RAPGEF4: variants seen among roughly 807,000 people sequenced by gnomAD.
RAPGEF4 encodes the protein RAP guanine-nucleotide-exchange factor (GEF) 4.
RAPGEF4 carries 66 observed loss-of-function variants against 147.9 expected under a neutral mutation model. The ratio of observed to expected loss-of-function variants is 0.45; its 90% CI spans 0.37 to 0.55. The LOEUF (loss-of-function observed/expected upper bound fraction) is 0.55, where lower values mean the gene tolerates loss of function less well. Ranked by LOEUF, RAPGEF4 falls within the 20% of genes least tolerant of loss-of-function variation. The probability of loss-of-function intolerance (pLI) is 0.00; values close to 1 mark genes in which losing one functional copy is unlikely to be tolerated. For missense variants in RAPGEF4, 1,071 were observed against 1,257.3 expected, an observed-to-expected ratio of 0.85 and a Z score of 2.24; for synonymous variants, 419 against 442.7, an observed-to-expected ratio of 0.95 and a Z score of 0.67.
chr2:172,979,237 G>A (rs1691417972), intron 10 of RAPGEF4, among the ~76,000 whole-genome samples: 2 of 152,116 alleles, frequency 1.3e-5, no homozygotes, highest in Admixed American at 1.3e-4. Context: ...TAACCTCAGT[G>A]GGAAGGACAA....
At chr2:172,926,970 T>C (rs1685437661) in intron 6 of RAPGEF4, among the ~76,000 whole-genome samples, 1 of 152,206 alleles carries the variant, frequency 6.6e-6, no homozygotes, top group Non-Finnish European at 1.5e-5. Flanking sequence ...TCACCATCAA[T>C]GTGGAGCTCA....
chr2:172,864,973 G>A (rs1273149142), intron 4 of RAPGEF4, among the ~76,000 whole-genome samples: 1 of 152,148 alleles, frequency 6.6e-6, no homozygotes, highest in Non-Finnish European at 1.5e-5. Flanking sequence ...GGACATTGTC[G>A]TACTGGATAC....
Position 172,896,323 on chromosome 2 carries a change from AT to A in RAPGEF4, c.445-21475del. 2.6e-5 allele frequency among the ~76,000 whole-genome samples: 4 copies of A among 152,312 alleles called. No individual in the cohort carries two copies. In the South Asian group the frequency reaches 8.3e-4, roughly 32 times the overall value. Reference sequence around the variant, plus strand: ...TTTTATCCTCTGTTGAGATAAGATAATTTTCAGGATACATCATTATGGCACA... The same window carrying A: ...TTTTATCCTCTGTTGAGATAAGATAATTTCAGGATACATCATTATGGCACA... On this transcript the variant is annotated intron_variant, in intron 4 of 30. Transcript: ENST00000397081.
intron 4 of RAPGEF4, among the ~76,000 whole-genome samples, chr2:172,901,328 T>C (rs1699037586): frequency 6.6e-6 from 1 of 152,228 alleles, no homozygotes. Flanking sequence ...AATTTAGGTT[T>C]TGTTTTTATT....
At chr2:172,878,909 G>T (rs77869967) in intron 4 of RAPGEF4, among the ~76,000 whole-genome samples, 9,841 of 152,236 alleles carry the variant, frequency 0.065, 368 homozygotes, top group Middle Eastern at 0.095. Flanking sequence ...CAATAAATAT[G>T]CAGTGATGGG....
intron 4 of RAPGEF4, among the ~76,000 whole-genome samples, chr2:172,895,238 G>C (rs1293045464): frequency 6.6e-6 from 1 of 152,078 alleles, no homozygotes; most frequent in East Asian, 1.9e-4. Context: ...GAGCCATTCC[G>C]GTGGGTTTGG....
rs945769068 is a variant in RAPGEF4 at position 173,001,165 on chromosome 2, G to A, written c.1580-101G>A. ...AAGTAAACTCATGCCCCAAACCAAT[G>A]TGTTAGAACCAATGACTAAGAACAA... On this transcript the variant is annotated intron_variant, in intron 16 of 30. Transcript: ENST00000397081. 18 of 1,538,432 alleles carry A rather than the reference G, an allele frequency of 1.2e-5. No individual in the cohort carries two copies. In the South Asian group the frequency reaches 2.0e-4, roughly 17 times the overall value.
chr2:172,963,802 G>A (rs572025748), intron 8 of RAPGEF4, among the ~76,000 whole-genome samples: 2 of 152,132 alleles, frequency 1.3e-5, no homozygotes, highest in African/African-American at 2.4e-5. Flanking sequence ...CACAGTATTC[G>A]GGGGCTGAAG....
chr2:172,860,383 G>T, intron 4 of RAPGEF4: 1 of 917,372 alleles, frequency 1.1e-6, no homozygotes, highest in East Asian at 1.2e-4. Context: ...GTGTTTTCAT[G>T]GAAGCCTCAA....
chr2:172,761,402 A>G (rs527315637), intron 1 of RAPGEF4, among the ~76,000 whole-genome samples: 1 of 152,130 alleles, frequency 6.6e-6, no homozygotes, highest in Non-Finnish European at 1.5e-5. Context: ...TCAGCCTCCC[A>G]ATGTGCTGGG....
intron 4 of RAPGEF4, among the ~76,000 whole-genome samples, chr2:172,911,262 G>T (rs935295254): frequency 1.3e-5 from 2 of 152,146 alleles, no homozygotes; most frequent in Non-Finnish European, 2.9e-5. Context: ...CAAGTTACGT[G>T]TCCCCCACAC....
In RAPGEF4 at chr2:173,019,895, T is replaced by A. The variant is rs563050754; in HGVS notation, c.2156-723T>A. On this transcript the variant is annotated intron_variant, in intron 22 of 30. Coordinates refer to ENST00000397081, the MANE Select transcript of RAPGEF4 (RefSeq NM_007023.4). ...AGCTTCCTAGACCCCACCCCTGTGATATTTTTTTCTCCTTGCCTTCTCACT... is the reference window on the plus strand; with the variant it reads ...AGCTTCCTAGACCCCACCCCTGTGAAATTTTTTTCTCCTTGCCTTCTCACT... Among the ~76,000 whole-genome samples, 4 of 152,356 alleles carry A rather than the reference T, an allele frequency of 2.6e-5. No individual in the cohort carries two copies. The East Asian group carries it at 5.8e-4, about 22-fold the overall frequency.
chr2:172,927,830 G>A (rs566814627), intron 6 of RAPGEF4, among the ~76,000 whole-genome samples: 5 of 152,212 alleles, frequency 3.3e-5, no homozygotes, highest in Non-Finnish European at 7.3e-5. Flanking sequence ...TGTTCCCCTA[G>A]CAGTTGTGTC....
chr2:173,029,612 T>A (rs1229296808), intron 25 of RAPGEF4, among the ~76,000 whole-genome samples: 1 of 152,230 alleles, frequency 6.6e-6, no homozygotes, highest in Non-Finnish European at 1.5e-5. Context: ...TTTAGGTTAC[T>A]TCTCAGCTTT....
intron 12 of RAPGEF4, among the ~76,000 whole-genome samples, chr2:172,986,277 C>T (rs1378123532): frequency 6.6e-6 from 1 of 152,224 alleles, no homozygotes; most frequent in African/African-American, 2.4e-5. Flanking sequence ...TAAACCGATA[C>T]TTCCTGAGCC....
chr2:173,048,788 G>A, intron 30 of RAPGEF4, 134 bp downstream of exon 30: 6 of 1,481,506 alleles, frequency 4.0e-6, no homozygotes, highest in Non-Finnish European at 5.4e-6. Flanking sequence ...TGAATTCCAT[G>A]AGATAGGGGC....
intron 1 of RAPGEF4, among the ~76,000 whole-genome samples, chr2:172,789,748 A>G (rs1309453836): frequency 2.6e-5 from 4 of 152,244 alleles, no homozygotes; most frequent in Non-Finnish European, 5.9e-5. Context: ...GCTTAGCAGA[A>G]TGTCTTCAAG....
At position 172,918,082 on chromosome 2, in the gene RAPGEF4, G is replaced by T. The variant is rs181328281; in HGVS notation, c.517+208G>T. The stretch of plus-strand genomic sequence containing the variant: ...CTGTGGTCTTAGCTGATAGAGAGAG[G>T]TATGCTCTGGTGCCAGCTGGAACTT... On this transcript the variant is annotated intron_variant, in intron 5 of 30. Coordinates refer to ENST00000397081, the MANE Select transcript of RAPGEF4 (RefSeq NM_007023.4). 5.0e-4 allele frequency: 362 copies of T among 723,158 alleles called. 5 individuals carry two copies. The Middle Eastern group carries it at 0.015, about 30-fold the overall frequency. 44.8% of individuals were successfully genotyped at this position (723,158 alleles called of 1,614,324 possible).
At chr2:172,784,353 C>A (rs914040205) in intron 1 of RAPGEF4, among the ~76,000 whole-genome samples, 1 of 151,986 alleles carries the variant, frequency 6.6e-6, no homozygotes, top group Admixed American at 6.6e-5. Flanking sequence ...CCCATCTCCA[C>A]TAAAAATACA....
Sources: allele counts gnomAD v4.1 joint callset (sites outside exome capture counted in the v4.1 genomes callset), GRCh38; gene constraint gnomAD v4.1.1; transcripts MANE v1.5; gene names NCBI Gene and HGNC (gene_info 2026-07-23, HGNC 2026-07-21).